The following UACA variants were observed in gnomAD, a reference collection of about 807,000 sequenced individuals.
The protein encoded by UACA is nuclear membrane binding protein.
A neutral mutation model predicts 160.5 loss-of-function variants in UACA; 112 were observed. The ratio of observed to expected loss-of-function variants is 0.70; its 90% confidence interval spans 0.60 to 0.82. The LOEUF (loss-of-function observed/expected upper bound fraction) is 0.82. UACA is among the 40% of genes least tolerant of loss of function. UACA has a pLI of 0.00. For missense variants in UACA, 1,574 were observed against 1,614.6 expected (o/e 0.97, Z 0.43); for synonymous variants, 557 against 568.4 (o/e 0.98, Z 0.29).
chr15:70,698,156 C>A (rs1443596287), intron 2 of UACA, among the ~76,000 whole-genome samples: 1 of 152,190 alleles, frequency 6.6e-6, no homozygotes, highest in Non-Finnish European at 1.5e-5. Flanking sequence ...CATCAAATTA[C>A]ACCACTATAA....
intron 1 of UACA, among the ~76,000 whole-genome samples, chr15:70,701,507 A>G (rs974155438): frequency 6.6e-6 from 1 of 152,240 alleles, no homozygotes; most frequent in Non-Finnish European, 1.5e-5. Context: ...TGGAAAAAAG[A>G]GCCATTTAAA....
chr15:70,661,827 C>T (rs1317016059), intron 17 of UACA: 2 of 152,172 alleles, frequency 1.3e-5, no homozygotes, highest in Non-Finnish European at 2.9e-5. Flanking sequence ...ATGCTAAAAA[C>T]TCTCAATAAA....
chr15:70,759,611 C>T (rs894412047), intron 1 of UACA, among the ~76,000 whole-genome samples: 5 of 152,298 alleles, frequency 3.3e-5, no homozygotes, highest in East Asian at 1.9e-4. Flanking sequence ...GCCGAGATCA[C>T]GTCATTGCAC....
chr15:70,741,152 A>G (rs181930469), intron 1 of UACA, among the ~76,000 whole-genome samples: 1 of 152,350 alleles, frequency 6.6e-6, no homozygotes, highest in Non-Finnish European at 1.5e-5. Context: ...AGGCCAGGCA[A>G]TAAGCCAAAA....
At chr15:70,718,324 A>ATGTATGTGTGTGTGTGTGTG (rs1491091552) in intron 1 of UACA, among the ~76,000 whole-genome samples, 1 of 60,182 alleles carries the variant, frequency 1.7e-5, no homozygotes, top group African/African-American at 6.8e-5. Flanking sequence ...GAGAGAGAGA[A>ATGTATGTGTGTGTGTGTGTG]TGTGTGTGTG....
chr15:70,774,384 A>G, the UACA span, among the ~76,000 whole-genome samples: 1 of 152,066 alleles, frequency 6.6e-6, no homozygotes, highest in African/African-American at 2.4e-5. Flanking sequence ...GTCTCTACCA[A>G]TAATGCAAAA....
intron 1 of UACA, among the ~76,000 whole-genome samples, chr15:70,747,270 A>T (rs1220792463): frequency 1.8e-4 from 20 of 114,232 alleles, no homozygotes; most frequent in Non-Finnish European, 5.0e-5. Flanking sequence ...TTTTAGATGG[A>T]GTCTTGCTCT....
At chr15:70,756,208 C>G (rs911654598) in intron 1 of UACA, among the ~76,000 whole-genome samples, 4 of 151,766 alleles carry the variant, frequency 2.6e-5, no homozygotes, top group African/African-American at 9.7e-5. Flanking sequence ...GCTCTGTTGC[C>G]CAGGCTGGAG....
At chr15:70,716,524 A>C (rs1898825958) in intron 1 of UACA, among the ~76,000 whole-genome samples, 1 of 152,220 alleles carries the variant, frequency 6.6e-6, no homozygotes, top group Non-Finnish European at 1.5e-5. Context: ...CACTAACTAC[A>C]GCTGCAAGTA....
intron 1 of UACA, among the ~76,000 whole-genome samples, chr15:70,737,986 G>C (rs1436574303): frequency 1.3e-5 from 2 of 152,096 alleles, no homozygotes; most frequent in Non-Finnish European, 2.9e-5. Flanking sequence ...TTTGCAACTT[G>C]TGATTCCCTT....
At chr15:70,706,267 G>GAA (rs1461009384) in intron 1 of UACA, among the ~76,000 whole-genome samples, 1 of 151,920 alleles carries the variant, frequency 6.6e-6, no homozygotes, top group African/African-American at 2.4e-5. Flanking sequence ...TGACTAGAAG[G>GAA]AAACTGCCTC....
chr15:70,740,140 T>C (rs1266522903), intron 1 of UACA, among the ~76,000 whole-genome samples: 1 of 148,236 alleles, frequency 6.7e-6, no homozygotes, highest in Non-Finnish European at 1.5e-5. Flanking sequence ...ACTTATGTTG[T>C]TATGAAACTA....
Position 70,669,231 on chromosome 15 carries a change from T to C in UACA, c.1453A>G (p.Lys485Glu), listed in dbSNP as rs757914518. Reference sequence around the variant, plus strand: ...TTTATCTGTTCATCTGAATCCTCCTTGACCCTTTCACATTCTAATGCTAAA... The same window carrying C: ...TTTATCTGTTCATCTGAATCCTCCTCGACCCTTTCACATTCTAATGCTAAA... ...KALALECERV[K>E]EDSDEQIKQL... Residue 485 changes from lysine to glutamate, a missense_variant, in exon 16 of 19, where the codon AAG becomes GAG. Physicochemically the swap from Lys to Glu is moderately conservative, Grantham distance 56. Coordinates refer to ENST00000322954, the MANE Select transcript of UACA (RefSeq NM_018003.4). The C allele has an allele frequency of 9.9e-6, 16 of 1,613,980 alleles. No individual in the cohort carries two copies. Among genetic ancestry groups the C allele is most frequent in the Non-Finnish European group, 1.3e-5 (15 of 1,180,008 alleles).
Position 70,657,007 on chromosome 15 carries a change from T to G in UACA, c.*49A>C. On this transcript the variant is annotated 3_prime_UTR_variant, in exon 19 of 19. Coordinates refer to ENST00000322954, the MANE Select transcript of UACA (RefSeq NM_018003.4). ...AAAGACCATGGAGTTGCACAAAGAA[T>G]GTTCAGCACCAGCAAGATAAAACAG... The G allele has an allele frequency of 6.7e-7, 1 of 1,489,782 alleles. No homozygotes were observed. The highest frequency in any genetic ancestry group is 9.4e-7 in the Non-Finnish European group (1 of 1,067,616). The allele number at this position is 1,489,782 out of a possible 1,614,324, so 92.3% of individuals were successfully genotyped here. A position where few individuals can be genotyped will look rare whatever the true frequency, so the allele number is the denominator to read the frequency against.
Position 70,666,837 on chromosome 15 carries a change from CAATGCTGA to C in UACA, c.3839_3846del (p.Phe1280Ter). ...TCCTTCTGATCCTTAATTTCTTGCT[CAATGCTGA>C]AATGCAGTAATTCCTTCTCATCTTT... On this transcript the variant is annotated frameshift_variant, in exon 16 of 19. Transcript: ENST00000322954. LOFTEE classifies it high-confidence loss of function. 3.7e-6 allele frequency: 6 copies of C among 1,613,898 alleles called. No homozygotes were observed. The highest frequency in any genetic ancestry group is 5.1e-6 in the Non-Finnish European group (6 of 1,179,940).
intron 18 of UACA, among the ~76,000 whole-genome samples, chr15:70,659,061 T>C (rs1896584315): frequency 6.6e-6 from 1 of 152,292 alleles, no homozygotes; most frequent in Admixed American, 6.5e-5. Flanking sequence ...TCTCAGCCTC[T>C]CTAATACAGA....
chr15:70,753,930 C>G (rs1374935326), intron 1 of UACA: 2 of 328,152 alleles, frequency 6.1e-6, no homozygotes, highest in South Asian at 2.4e-5. Flanking sequence ...CTCAGCCTCC[C>G]GAGTAGCTGA....
In UACA at chr15:70,684,274, T is replaced by C; in HGVS notation, c.775A>G (p.Thr259Ala). The C allele has an allele frequency of 6.2e-7, 1 of 1,603,856 alleles. No homozygotes were observed. Among genetic ancestry groups the C allele is most frequent in the Non-Finnish European group, 8.5e-7 (1 of 1,176,818 alleles). Residue 259 changes from threonine to alanine, a missense_variant, in exon 8 of 19, where the codon ACC becomes GCC. Coordinates refer to ENST00000322954, the MANE Select transcript of UACA (RefSeq NM_018003.4). ...AGAAAACTGCTGATACCTTTGTTGG[T>C]ATTTTCCGATGCAGTCTTCAACAAG... is the stretch of plus-strand genomic sequence containing the variant. ...LTLLKTASEN[T>A]NKGRELWKKG... is the part of the protein sequence containing the mutation.
At position 70,666,704 on chromosome 15, in the gene UACA, G is replaced by A. The variant is rs1896919016; in HGVS notation, c.3960+20C>T. ...TCTGGGGTTTCCAACACATAGCCGT[G>A]CAGACTACTTTGTACCTACCTTATT... is the stretch of plus-strand genomic sequence containing the variant. On this transcript the variant is annotated intron_variant, in intron 16 of 18. Coordinates refer to ENST00000322954, the MANE Select transcript of UACA (RefSeq NM_018003.4). The A allele has an allele frequency of 1.9e-6, 3 of 1,563,118 alleles. No individual in the cohort carries two copies. Among genetic ancestry groups the A allele is most frequent in the Non-Finnish European group, 2.6e-6 (3 of 1,157,124 alleles).
Sources: allele counts gnomAD v4.1 joint callset (sites outside exome capture counted in the v4.1 genomes callset), GRCh38; gene constraint gnomAD v4.1.1; transcripts MANE v1.5; gene names NCBI Gene and HGNC (gene_info 2026-07-23, HGNC 2026-07-21).